Variants in VAV3 observed in about 807,000 individuals in gnomAD.
The protein encoded by VAV3 is vav guanine nucleotide exchange factor 3, also known as guanine nucleotide exchange factor VAV3.
In VAV3, 94 loss-of-function variants were observed where a neutral mutation model predicts 131.2. The ratio of observed to expected loss-of-function variants is 0.72; its 90% CI spans 0.61 to 0.85. The LOEUF is 0.85. Among genes scored for constraint, VAV3 ranks in the 40% least tolerant of loss-of-function variants. VAV3 has a pLI of 0.00. For missense variants in VAV3, 939 were observed against 1,002.7 expected (o/e 0.94, Z 0.86); for synonymous variants, 349 against 342.0 (o/e 1.02, Z -0.22).
intron 2 of VAV3, among the ~76,000 whole-genome samples, chr1:107,809,530 C>A (rs1234942400): frequency 6.6e-6 from 1 of 152,124 alleles, no homozygotes; most frequent in African/African-American, 2.4e-5. Flanking sequence ...TTATAATGTG[C>A]AAAACCCTGT....
intron 17 of VAV3, among the ~76,000 whole-genome samples, chr1:107,691,860 A>G (rs1659445936): frequency 6.6e-6 from 1 of 152,152 alleles, no homozygotes; most frequent in South Asian, 2.1e-4. Flanking sequence ...TTCAATGTGC[A>G]TTATTGGTGC....
chr1:107,631,583 C>A (rs1249853697), intron 20 of VAV3, among the ~76,000 whole-genome samples: 1 of 149,688 alleles, frequency 6.7e-6, no homozygotes, highest in South Asian at 2.2e-4. Context: ...CCCATTAACT[C>A]GTCATTTAGC....
At chr1:107,772,652 C>A in intron 5 of VAV3, 83 bp downstream of exon 5, 1 of 1,191,224 alleles carries the variant, frequency 8.4e-7, no homozygotes, top group South Asian at 1.4e-5. Context: ...AAAATCCCAG[C>A]AGATGTTACA....
At chr1:107,949,880 G>T (rs1674451052) in intron 1 of VAV3, among the ~76,000 whole-genome samples, 1 of 152,202 alleles carries the variant, frequency 6.6e-6, no homozygotes, top group East Asian at 1.9e-4. Flanking sequence ...GTGGAGTATT[G>T]ATAAGTGACA....
chr1:107,673,961 C>G (rs1278071566), intron 19 of VAV3, among the ~76,000 whole-genome samples: 1 of 152,110 alleles, frequency 6.6e-6, no homozygotes, highest in Non-Finnish European at 1.5e-5. Flanking sequence ...AAAAGAAGCT[C>G]AAGTGTCATT....
intron 19 of VAV3, among the ~76,000 whole-genome samples, chr1:107,661,694 T>C (rs1368537621): frequency 3.3e-5 from 5 of 152,228 alleles, no homozygotes; most frequent in Non-Finnish European, 7.4e-5. Flanking sequence ...AAAATAATTT[T>C]AACAAAATTT....
At chr1:107,768,404 A>AGT in intron 7 of VAV3, 37 bp downstream of exon 7, 1 of 1,515,664 alleles carries the variant, frequency 6.6e-7, no homozygotes, top group Non-Finnish European at 9.1e-7. Flanking sequence ...ATTTTATTGA[A>AGT]GTACACCACA....
chr1:107,919,084 G>A (rs1050604805), intron 1 of VAV3, among the ~76,000 whole-genome samples: 2 of 151,984 alleles, frequency 1.3e-5, no homozygotes, highest in Non-Finnish European at 2.9e-5. Context: ...ATTAGTCATT[G>A]GTTATAAATT....
chr1:107,779,436 G>A lies in VAV3; in HGVS notation c.378C>T (p.Ile126=). 1 of 1,587,856 alleles carries A rather than the reference G, an allele frequency of 6.3e-7. No homozygotes were observed. Residue 126 remains isoleucine, a splice_region_variant and synonymous_variant, in exon 3 of 27, where the codon ATC becomes ATT. Transcript: ENST00000370056. The stretch of plus-strand genomic sequence containing the variant: ...TGAACAACGAAAACAGAGCTTACCT[G>A]ATTCCTGTGGCCAATGCTATAGGTG... ...SRTPIALATG[I]RPFPTEESIN...
At chr1:107,683,876 T>G (rs570008427) in intron 18 of VAV3, among the ~76,000 whole-genome samples, 13 of 152,236 alleles carry the variant, frequency 8.5e-5, no homozygotes, top group African/African-American at 3.1e-4. Context: ...TAGAATATGT[T>G]CCCAGCCAAG....
intron 9 of VAV3, 65 bp downstream of exon 9, chr1:107,765,010 TA>T (rs1317545575): frequency 6.7e-6 from 7 of 1,041,004 alleles, no homozygotes; most frequent in Non-Finnish European, 1.0e-5. Flanking sequence ...TCACTGATCA[TA>T]AAGAGGAACA....
chr1:107,574,963 C>CTCTCTGTGTGTGTGTGTGTGTG (rs1304869776), intron 25 of VAV3, among the ~76,000 whole-genome samples: 2 of 81,114 alleles, frequency 2.5e-5, no homozygotes, highest in African/African-American at 9.0e-5. Context: ...TTGAGTTTCT[C>CTCTCTGTGTGTGTGTGTGTGTG]TGTGTGTGTG....
At chr1:107,765,740 T>G (rs1427292604) in intron 8 of VAV3, among the ~76,000 whole-genome samples, 1 of 152,204 alleles carries the variant, frequency 6.6e-6, no homozygotes, top group Admixed American at 6.5e-5. Flanking sequence ...AAGGTATCTC[T>G]GTAGCACAAA....
chr1:107,711,494 G>A (rs1468429658), intron 15 of VAV3, among the ~76,000 whole-genome samples: 1 of 152,136 alleles, frequency 6.6e-6, no homozygotes, highest in Non-Finnish European at 1.5e-5. Context: ...TAGTACCACA[G>A]GGAACATTCT....
intron 25 of VAV3, among the ~76,000 whole-genome samples, chr1:107,579,949 CA>C (rs1226433995): frequency 3.3e-5 from 5 of 152,210 alleles, no homozygotes; most frequent in African/African-American, 1.2e-4. Context: ...TTCCCTGTCT[CA>C]AAAGTCCAGC....
chr1:107,875,584 TG>T (rs1156945872), intron 1 of VAV3, among the ~76,000 whole-genome samples: 1 of 151,752 alleles, frequency 6.6e-6, no homozygotes, highest in Non-Finnish European at 1.5e-5. Flanking sequence ...GAGTGAGTAA[TG>T]GGGGGAAAAG....
At chr1:107,780,535 A>T (rs1187160564) in intron 2 of VAV3, among the ~76,000 whole-genome samples, 1 of 152,022 alleles carries the variant, frequency 6.6e-6, no homozygotes, top group African/African-American at 2.4e-5. Context: ...TTCTTTTTTG[A>T]GACAGAGTCT....
At chr1:107,814,813 T>A (rs1026371578) in intron 2 of VAV3, among the ~76,000 whole-genome samples, 1 of 152,124 alleles carries the variant, frequency 6.6e-6, no homozygotes, top group Non-Finnish European at 1.5e-5. Context: ...GCAGGACAGA[T>A]CCAAGAGAAG....
chr1:107,771,739 C>T (rs940054590), intron 5 of VAV3, among the ~76,000 whole-genome samples: 2 of 152,340 alleles, frequency 1.3e-5, no homozygotes, highest in South Asian at 4.1e-4. Flanking sequence ...TATCACTGTT[C>T]ACCCCATCAG....
Sources: gnomAD v4.1 joint callset for allele counts (sites outside exome capture counted in the v4.1 genomes callset) on GRCh38, gnomAD v4.1.1 for gene constraint, MANE v1.5 for transcripts, NCBI Gene and HGNC (gene_info 2026-07-23, HGNC 2026-07-21) for gene names.